The following RARB variants were observed in gnomAD, a reference collection of about 807,000 sequenced individuals.
RARB encodes the protein retinoic acid receptor beta, also known as HBV-activated protein.
A neutral mutation model predicts 51.9 loss-of-function variants in RARB; 17 were observed. That is an observed-to-expected ratio of 0.33 (90% CI 0.22 to 0.49). RARB has a LOEUF of 0.49. Among genes scored for constraint, RARB ranks in the 20% least tolerant of loss-of-function variants. RARB has a pLI of 0.99. For synonymous variants in RARB, 215 were observed against 195.4 expected (o/e 1.10, Z -0.84); for missense variants, 369 against 550.8 (o/e 0.67, Z 3.30).
chr3:25,211,485 G>A (rs1352254504), intron 5 of RARB, among the ~76,000 whole-genome samples: 2 of 152,192 alleles, frequency 1.3e-5, no homozygotes, highest in African/African-American at 2.4e-5. Context: ...TTATAGTCCT[G>A]TGGAAATTTA....
rs867371953 is a variant in RARB at position 25,020,118 on chromosome 3, A to C, written c.-379-40007A>C. The C allele has an allele frequency of 9.2e-5, 3 of 32,776 alleles. No individual in the cohort carries two copies. The African/African-American group carries it at 9.6e-4, about 10-fold the overall frequency. 2.0% of individuals were successfully genotyped at this position (32,776 alleles called of 1,614,324 possible). On this transcript the variant is annotated intron_variant, in intron 2 of 11. Transcript: ENST00000383772. ...ACTCAAGTTCTCTATTATTATTATT[A>C]TTATTATTATTATTATTATTATTAT...
chr3:25,365,432 C>T (rs1176548574), intron 5 of RARB, among the ~76,000 whole-genome samples: 9 of 151,754 alleles, frequency 5.9e-5, no homozygotes, highest in African/African-American at 1.7e-4. Flanking sequence ...TTCTACTCTC[C>T]CTCCCAAATT....
intron 3 of RARB, among the ~76,000 whole-genome samples, chr3:25,524,304 A>G (rs2125635498): frequency 6.6e-6 from 1 of 152,332 alleles, no homozygotes. Flanking sequence ...AGCATAAATG[A>G]TCATTTTAAA....
chr3:25,225,186 G>C (rs1010149459), intron 5 of RARB, among the ~76,000 whole-genome samples: 1 of 152,142 alleles, frequency 6.6e-6, no homozygotes, highest in East Asian at 1.9e-4. Context: ...TACATGTTTA[G>C]GTGCTCTATA....
chr3:24,898,138 A>C (rs550004292), intron 2 of RARB, among the ~76,000 whole-genome samples: 2 of 152,218 alleles, frequency 1.3e-5, no homozygotes, highest in South Asian at 4.1e-4. Context: ...TTGAGTCCAC[A>C]CATTGTTGGT....
intron 1 of RARB, among the ~76,000 whole-genome samples, chr3:24,842,350 A>T (rs1702429801): frequency 6.6e-6 from 1 of 152,186 alleles, no homozygotes; most frequent in African/African-American, 2.4e-5. Flanking sequence ...TTTCCTTTAT[A>T]GAAAAATAAA....
chr3:25,271,677 C>T (rs534013711), intron 5 of RARB, among the ~76,000 whole-genome samples: 1 of 152,244 alleles, frequency 6.6e-6, no homozygotes, highest in East Asian at 1.9e-4. Flanking sequence ...TCATTCTCAT[C>T]AGAAACTTTA....
chr3:25,558,617 G>A (rs796782802), intron 3 of RARB, among the ~76,000 whole-genome samples: 10 of 144,836 alleles, frequency 6.9e-5, no homozygotes, highest in African/African-American at 2.6e-4. Context: ...TCTAAGGTTT[G>A]ACTCCTAAAT....
Position 25,587,958 on chromosome 3 carries a change from G to A in RARB, c.787-5545G>A, listed in dbSNP as rs1376525926. Among the ~76,000 whole-genome samples, 8 of 152,118 alleles carry A rather than the reference G, an allele frequency of 5.3e-5. No homozygotes were observed. The South Asian group carries it at 1.7e-3, about 32-fold the overall frequency. The stretch of plus-strand genomic sequence containing the variant: ...GAAGAGAGTCTGATGAAGGAATTCA[G>A]TTTATTCATTCAATAAATATTCATT... On this transcript the variant is annotated intron_variant, in intron 5 of 7. Transcript: ENST00000330688.
chr3:25,230,990 C>A (rs940101841), intron 5 of RARB, among the ~76,000 whole-genome samples: 2 of 152,026 alleles, frequency 1.3e-5, no homozygotes, highest in Non-Finnish European at 2.9e-5. Context: ...ATACACTGAA[C>A]AAAAACTATG....
At chr3:24,836,496 C>A (rs1702347299) in intron 1 of RARB, among the ~76,000 whole-genome samples, 1 of 152,170 alleles carries the variant, frequency 6.6e-6, no homozygotes, top group Non-Finnish European at 1.5e-5. Flanking sequence ...ATAATAGCTA[C>A]ATTGGCCTTA....
chr3:24,895,516 G>C (rs1003115366), intron 2 of RARB, among the ~76,000 whole-genome samples: 2 of 151,842 alleles, frequency 1.3e-5, no homozygotes, highest in Non-Finnish European at 2.9e-5. Flanking sequence ...TCAAGGTGTA[G>C]TTGTTTAAAA....
intron 2 of RARB, among the ~76,000 whole-genome samples, chr3:24,967,941 A>G (rs1696312627): frequency 6.6e-6 from 1 of 152,160 alleles, no homozygotes; most frequent in Non-Finnish European, 1.5e-5. Context: ...AGCAACAAAC[A>G]CTATTATCAT....
intron 5 of RARB, among the ~76,000 whole-genome samples, chr3:25,373,772 G>A (rs1706375700): frequency 6.6e-6 from 1 of 152,128 alleles, no homozygotes; most frequent in African/African-American, 2.4e-5. Context: ...AAGAGCCCAT[G>A]TTCTTATGGG....
At chr3:25,473,150 A>G (rs1262204637) in intron 2 of RARB, among the ~76,000 whole-genome samples, 1 of 152,182 alleles carries the variant, frequency 6.6e-6, no homozygotes, top group Non-Finnish European at 1.5e-5. Flanking sequence ...CTTTGGGATT[A>G]GAATTTCTCT....
chr3:25,512,095 G>A (rs1416691911), intron 3 of RARB, among the ~76,000 whole-genome samples: 1 of 152,186 alleles, frequency 6.6e-6, no homozygotes, highest in African/African-American at 2.4e-5. Context: ...CCTACTTCAT[G>A]TGGCTATTGT....
At chr3:25,369,283 CATTA>C (rs1205806094) in intron 5 of RARB, among the ~76,000 whole-genome samples, 1 of 152,094 alleles carries the variant, frequency 6.6e-6, no homozygotes, top group African/African-American at 2.4e-5. Context: ...AAGTGTGAGC[CATTA>C]ATTCTGCCCA....
At chr3:25,547,850 C>T (rs1699678594) in intron 3 of RARB, among the ~76,000 whole-genome samples, 1 of 151,930 alleles carries the variant, frequency 6.6e-6, no homozygotes, top group South Asian at 2.1e-4. Flanking sequence ...CCTTTTTTTT[C>T]TCTGAAGAGA....
chr3:25,320,602 T>C (rs747111563), intron 5 of RARB, among the ~76,000 whole-genome samples: 2 of 152,258 alleles, frequency 1.3e-5, no homozygotes, highest in Non-Finnish European at 2.9e-5. Context: ...ATATTTACTT[T>C]ATTATTGCTT....
Sources: allele counts gnomAD v4.1 joint callset (sites outside exome capture counted in the v4.1 genomes callset), GRCh38; gene constraint gnomAD v4.1.1; transcripts MANE v1.5; gene names NCBI Gene and HGNC (gene_info 2026-07-23, HGNC 2026-07-21).